PALM2AKAP2: variants seen among roughly 807,000 people sequenced by gnomAD.
PALM2AKAP2 encodes PALM2 and AKAP2 fusion.
PALM2AKAP2 carries 37 observed loss-of-function variants against 71.5 expected under a neutral mutation model. The observed-to-expected ratio is 0.52, with a 90% confidence interval of 0.40 to 0.68. The LOEUF is 0.68. Ranked by LOEUF, PALM2AKAP2 falls within the 30% of genes least tolerant of loss-of-function variation. The pLI, the probability that PALM2AKAP2 is intolerant of heterozygous loss-of-function variation, is 0.00. For synonymous variants in PALM2AKAP2, 468 were observed against 478.8 expected (o/e 0.98, Z 0.29); for missense variants, 1,224 against 1,191.8 (o/e 1.03, Z -0.40).
At chr9:110,137,793 C>G in exon 2 of PALM2AKAP2, 1 of 1,614,078 alleles carries the variant, frequency 6.2e-7, no homozygotes, top group Non-Finnish European at 8.5e-7. Flanking sequence ...AATTCACTGG[C>G]TGATTTTTCT....
chr9:110,151,350 T>G (rs935314362), intron 2 of PALM2AKAP2, among the ~76,000 whole-genome samples: 1 of 152,162 alleles, frequency 6.6e-6, no homozygotes, highest in Non-Finnish European at 1.5e-5. Flanking sequence ...TGCACCTGGC[T>G]TTTTTTCTTG....
chr9:109,745,942 T>C (rs1445749993), intron 1 of PALM2AKAP2, among the ~76,000 whole-genome samples: 3 of 152,166 alleles, frequency 2.0e-5, no homozygotes, highest in South Asian at 4.1e-4. Flanking sequence ...AGGTATAATA[T>C]GTATTTTTAC....
At chr9:110,044,655 T>G (rs1833566510), upstream of PALM2AKAP2, among the ~76,000 whole-genome samples, 1 of 151,388 alleles carries the variant, frequency 6.6e-6, no homozygotes, top group Admixed American at 6.6e-5. Flanking sequence ...CGGCCTTCCC[T>G]CTTTTTCTTA....
Position 109,880,698 on chromosome 9 carries a change from C to G in PALM2AKAP2, c.257+17C>G. 10 of 1,612,524 alleles carry G rather than the reference C, an allele frequency of 6.2e-6. No homozygotes were observed. The highest frequency in any genetic ancestry group is 8.5e-6 in the Non-Finnish European group (10 of 1,179,262). ...CATTCAGAGGTAGGTGGCTTCCAGCCCAGGGAACCCATGCTACAGTTTTTC... is the reference window on the plus strand; with the variant it reads ...CATTCAGAGGTAGGTGGCTTCCAGCGCAGGGAACCCATGCTACAGTTTTTC... On this transcript the variant is annotated intron_variant, in intron 3 of 9. Transcript: ENST00000302798.
chr9:110,050,562 C>T (rs546718130), intron 1 of PALM2AKAP2, among the ~76,000 whole-genome samples: 2 of 152,232 alleles, frequency 1.3e-5, no homozygotes, highest in East Asian at 3.9e-4. Context: ...AGCAATGCTC[C>T]GCTGCCGGTT....
chr9:110,010,824 C>G (rs1048767847), intron 6 of PALM2AKAP2, among the ~76,000 whole-genome samples: 1 of 147,902 alleles, frequency 6.8e-6, no homozygotes, highest in Middle Eastern at 3.3e-3. Context: ...TGGAGAAATC[C>G]TGTCTCTACT....
chr9:109,734,124 A>G (rs969177146), intron 1 of PALM2AKAP2, among the ~76,000 whole-genome samples: 2 of 152,242 alleles, frequency 1.3e-5, no homozygotes, highest in Non-Finnish European at 2.9e-5. Context: ...GGCAGAGTCT[A>G]CAGTCCATTT....
chr9:109,840,174 A>G (rs1194311332), intron 1 of PALM2AKAP2, among the ~76,000 whole-genome samples: 1 of 152,182 alleles, frequency 6.6e-6, no homozygotes, highest in Non-Finnish European at 1.5e-5. Flanking sequence ...AGAGATATAG[A>G]CCAATGGAAC....
chr9:109,842,637 G>T (rs917452785), intron 1 of PALM2AKAP2, among the ~76,000 whole-genome samples: 1 of 151,720 alleles, frequency 6.6e-6, no homozygotes, highest in Admixed American at 6.6e-5. Flanking sequence ...AGTTTTTGTT[G>T]TCGTCGTTGT....
chr9:109,836,370 C>T (rs1010145656), intron 1 of PALM2AKAP2, among the ~76,000 whole-genome samples: 3 of 152,164 alleles, frequency 2.0e-5, no homozygotes, highest in Non-Finnish European at 4.4e-5. Context: ...ACACCAAAAC[C>T]ACATCTGTAC....
At chr9:109,848,948 C>G (rs137859718) in intron 1 of PALM2AKAP2, among the ~76,000 whole-genome samples, 2 of 151,392 alleles carry the variant, frequency 1.3e-5, no homozygotes, top group Non-Finnish European at 2.9e-5. Context: ...GTAGTTGTAA[C>G]GGAGACTATA....
At chr9:109,914,769 T>C (rs965114488) in intron 3 of PALM2AKAP2, among the ~76,000 whole-genome samples, 9 of 152,230 alleles carry the variant, frequency 5.9e-5, no homozygotes, top group African/African-American at 2.2e-4. Flanking sequence ...GGCGTAACCC[T>C]AGTCTATGTC....
intron 3 of PALM2AKAP2, among the ~76,000 whole-genome samples, chr9:109,888,600 C>G (rs1472722217): frequency 1.3e-5 from 2 of 151,048 alleles, no homozygotes; most frequent in East Asian, 3.9e-4. Context: ...ATCCCAGCTA[C>G]TCAGGAGGCT....
At chr9:109,735,406 T>C (rs1828615331) in intron 1 of PALM2AKAP2, among the ~76,000 whole-genome samples, 1 of 151,900 alleles carries the variant, frequency 6.6e-6, no homozygotes, top group Non-Finnish European at 1.5e-5. Context: ...TTCAAAGGCT[T>C]CCTGCATCTG....
chr9:109,695,958 G>A (rs996032241), intron 1 of PALM2AKAP2, among the ~76,000 whole-genome samples: 4 of 152,210 alleles, frequency 2.6e-5, no homozygotes, highest in African/African-American at 7.2e-5. Context: ...TAAAACACTA[G>A]GGAGACTATA....
At chr9:110,071,978 G>A (rs1834216675) in intron 1 of PALM2AKAP2, among the ~76,000 whole-genome samples, 2 of 152,168 alleles carry the variant, frequency 1.3e-5, no homozygotes, top group Admixed American at 1.3e-4. Context: ...GACAGTGAGT[G>A]TTAGGGAAAC....
intron 6 of PALM2AKAP2, among the ~76,000 whole-genome samples, chr9:109,973,110 T>TA (rs892122970): frequency 9.9e-5 from 15 of 151,830 alleles, no homozygotes; most frequent in African/African-American, 2.4e-4. Flanking sequence ...TTCATTCAGT[T>TA]AAAAAAAAAT....
At chr9:109,843,140 C>CAAAGAAAA (rs1828750957) in intron 1 of PALM2AKAP2, among the ~76,000 whole-genome samples, 1 of 62,846 alleles carries the variant, frequency 1.6e-5, no homozygotes, top group South Asian at 7.8e-4. Flanking sequence ...AACTCGGTCT[C>CAAAGAAAA]AAAAAAAAAA....
At chr9:109,847,891 G>A (rs1362288876) in intron 1 of PALM2AKAP2, among the ~76,000 whole-genome samples, 1 of 152,172 alleles carries the variant, frequency 6.6e-6, no homozygotes, top group Non-Finnish European at 1.5e-5. Context: ...TGGATAAAGA[G>A]CAGACTATAT....
Sources: gnomAD v4.1 joint callset for allele counts (sites outside exome capture counted in the v4.1 genomes callset) on GRCh38, gnomAD v4.1.1 for gene constraint, MANE v1.5 for transcripts, NCBI Gene and HGNC (gene_info 2026-07-23, HGNC 2026-07-21) for gene names.